ZNF827: variants seen among roughly 807,000 people sequenced by gnomAD.
The protein encoded by ZNF827 is zinc finger protein 827.
In ZNF827, 13 loss-of-function variants were observed where a neutral mutation model predicts 102.4. The observed-to-expected ratio is 0.13, with a 90% CI of 0.08 to 0.20. The LOEUF (loss-of-function observed/expected upper bound fraction) is 0.20, where lower values mean the gene tolerates loss of function less well. Among genes scored for constraint, ZNF827 ranks in the 10% least tolerant of loss-of-function variants. The probability of loss-of-function intolerance (pLI) is 1.00; values close to 1 mark genes in which losing one functional copy is unlikely to be tolerated. For missense variants in ZNF827, 1,103 were observed against 1,344.4 expected (o/e 0.82, Z 2.81); for synonymous variants, 523 against 536.2 (o/e 0.98, Z 0.34).
intron 1 of ZNF827, among the ~76,000 whole-genome samples, chr4:145,923,431 C>T (rs1018711865): frequency 2.7e-5 from 4 of 149,830 alleles, no homozygotes; most frequent in Non-Finnish European, 5.9e-5. Context: ...GTGGTGAGAA[C>T]CCATCTCTAT....
At chr4:145,838,195 A>G (rs1163315340) in intron 7 of ZNF827, among the ~76,000 whole-genome samples, 1 of 152,108 alleles carries the variant, frequency 6.6e-6, no homozygotes, top group Non-Finnish European at 1.5e-5. Flanking sequence ...TTCCACCACA[A>G]AAGAAGTGTA....
In ZNF827 at chr4:145,849,553, A is replaced by G; in HGVS notation, c.1990T>C (p.Tyr664His). The change falls in exon 6 of 15, where the codon TAC (tyrosine) becomes CAC (histidine). Residue 664 changes from tyrosine to histidine, a missense_variant. By Grantham distance (83) the Tyr-to-His change is moderately conservative (BLOSUM62 2). This residue lies in a region of ZNF827 where 243 missense variants were observed against 251.6 expected (regional missense o/e 0.97). Coordinates refer to ENST00000508784, the MANE Select transcript of ZNF827 (RefSeq NM_001306215.2). The stretch of plus-strand genomic sequence containing the variant: ...ATCTTCACCATCTGTGTTTCCTTGT[A>G]GCTTTCCGCTGCAAGTAGGTGAATG... ...ELLMKLSAES[Y>H]KETQMVKIKE... 1 of 1,614,002 alleles carries G rather than the reference A, an allele frequency of 6.2e-7. No homozygotes were observed. The highest frequency in any genetic ancestry group is 1.1e-5 in the South Asian group (1 of 91,086).
intron 8 of ZNF827, among the ~76,000 whole-genome samples, chr4:145,789,962 A>G (rs1006288713): frequency 1.3e-5 from 2 of 152,194 alleles, no homozygotes; most frequent in African/African-American, 4.8e-5. Context: ...ACATCTTTAC[A>G]TCTGGTGAGC....
At chr4:145,864,664 G>A (rs1748024170) in intron 5 of ZNF827, among the ~76,000 whole-genome samples, 1 of 151,728 alleles carries the variant, frequency 6.6e-6, no homozygotes, top group Non-Finnish European at 1.5e-5. Context: ...ATTTCTCCAG[G>A]GACTCAAAAA....
intron 1 of ZNF827, among the ~76,000 whole-genome samples, chr4:145,927,289 G>A (rs1371594678): frequency 2.6e-5 from 4 of 152,324 alleles, no homozygotes; most frequent in East Asian, 1.9e-4. Flanking sequence ...ATGTGACTCC[G>A]TTCTACTATT....
chr4:145,835,274 G>C (rs527349523), intron 7 of ZNF827: 6 of 152,096 alleles, frequency 3.9e-5, no homozygotes, highest in African/African-American at 1.2e-4. Flanking sequence ...GCTGAGCTTC[G>C]GGTAACTCTC....
At chr4:145,807,794 C>CA (rs1741616959) in intron 8 of ZNF827, among the ~76,000 whole-genome samples, 1 of 140,360 alleles carries the variant, frequency 7.1e-6, no homozygotes, top group African/African-American at 2.7e-5. Flanking sequence ...AAACAAAAAA[C>CA]AAAAACAAAA....
intron 5 of ZNF827, among the ~76,000 whole-genome samples, chr4:145,858,272 T>C (rs1747364862): frequency 6.6e-6 from 1 of 151,982 alleles, no homozygotes; most frequent in Non-Finnish European, 1.5e-5. Context: ...AATAAAGATG[T>C]TTTTCAAAAT....
intron 1 of ZNF827, among the ~76,000 whole-genome samples, chr4:145,937,501 T>G (rs1345611804): frequency 6.0e-5 from 9 of 149,122 alleles, no homozygotes; most frequent in Admixed American, 2.7e-4. Context: ...TGCCTTCGCC[T>G]CGGCGCAGCT....
chr4:145,862,136 C>T (rs1015049775), intron 5 of ZNF827, among the ~76,000 whole-genome samples: 2 of 152,146 alleles, frequency 1.3e-5, no homozygotes, highest in African/African-American at 4.8e-5. Context: ...TGTGGAATTA[C>T]AAAATAAACA....
At chr4:145,846,118 G>C (rs1484384440) in intron 6 of ZNF827, 105 bp from the exon 7 acceptor site, 7 of 1,099,924 alleles carry the variant, frequency 6.4e-6, no homozygotes, top group African/African-American at 1.6e-5. Flanking sequence ...TTTTTCCTTT[G>C]TGGTTTTCTT....
intron 1 of ZNF827, among the ~76,000 whole-genome samples, chr4:145,923,545 G>A (rs1030125899): frequency 6.6e-6 from 1 of 151,882 alleles, no homozygotes; most frequent in Non-Finnish European, 1.5e-5. Flanking sequence ...CTTGAACCCA[G>A]GAGGCAGAGG....
rs1038453783 is a variant in ZNF827, at chr4:145,904,733, C to T, written c.44-1518G>A. ...GTATGCACGTGTGTGTGTGTGTGCG[C>T]GTGTGTGCACATGCACTGTGGTGCA... is the stretch of plus-strand genomic sequence containing the variant. On this transcript the variant is annotated intron_variant, in intron 1 of 14. Transcript: ENST00000508784. Among the ~76,000 whole-genome samples, 16 of 152,068 alleles carry T rather than the reference C, an allele frequency of 1.1e-4. No individual in the cohort carries two copies. The South Asian group carries it at 1.2e-3, about 12-fold the overall frequency.
At chr4:145,821,250 T>G (rs1259330595) in intron 8 of ZNF827, among the ~76,000 whole-genome samples, 1 of 152,178 alleles carries the variant, frequency 6.6e-6, no homozygotes, top group Non-Finnish European at 1.5e-5. Context: ...AAAATTTTGG[T>G]GGGTGGGGTT....
chr4:145,922,337 A>G (rs1404137885), intron 1 of ZNF827, among the ~76,000 whole-genome samples: 1 of 152,174 alleles, frequency 6.6e-6, no homozygotes, highest in Admixed American at 6.5e-5. Flanking sequence ...CTAAGCTATC[A>G]TTTGCCCTTA....
At chr4:145,797,254 C>T (rs866866367) in intron 8 of ZNF827, among the ~76,000 whole-genome samples, 69 of 152,280 alleles carry the variant, frequency 4.5e-4, no homozygotes, top group African/African-American at 1.5e-3. Flanking sequence ...GGCTCGAATC[C>T]GAACTTGGGT....
chr4:145,882,807 A>G (rs2126809457), intron 4 of ZNF827, among the ~76,000 whole-genome samples: 1 of 152,342 alleles, frequency 6.6e-6, no homozygotes, highest in Non-Finnish European at 1.5e-5. Flanking sequence ...CAGTACCAGC[A>G]GGTGCACGGA....
rs767954297 is a variant in ZNF827 at position 145,870,251 on chromosome 4, G to C, written c.1975C>G (p.Leu659Val). Residue 659 changes from leucine to valine, a missense_variant, in exon 5 of 15, where the codon CTC becomes GTC. Physicochemically the swap from Leu to Val is conservative, Grantham distance 32. Around this residue, in one of 5 missense-constraint regions of ZNF827, gnomAD observed 243 missense variants for 251.6 expected, o/e 0.97. Transcript: ENST00000508784. ...TTTAGAATAAATCAAGTACCTGAGA[G>C]TTTCATGAGAAGTTCAGAGGCTGCT... ...VKAASELLMK[L>V]SAESYKETQM... 5.1e-5 allele frequency: 83 copies of C among 1,613,524 alleles called. No individual in the cohort carries two copies. Among genetic ancestry groups the C allele is most frequent in the Non-Finnish European group, 6.7e-5 (79 of 1,179,722 alleles).
At chr4:145,768,601 G>A (rs187514072) in intron 11 of ZNF827, among the ~76,000 whole-genome samples, 391 of 151,904 alleles carry the variant, frequency 2.6e-3, no homozygotes, top group African/African-American at 8.0e-3. Context: ...TTTTAGGTTA[G>A]GGGAGAAAAT....
Sources: gnomAD v4.1 joint callset for allele counts (sites outside exome capture counted in the v4.1 genomes callset) on GRCh38, gnomAD v4.1.1 for gene constraint, gnomAD v4.1.1 regional missense constraint, MANE v1.5 for transcripts, NCBI Gene and HGNC (gene_info 2026-07-23, HGNC 2026-07-21) for gene names.